PGBD5: variants seen among roughly 807,000 people sequenced by gnomAD.
PGBD5 encodes the protein piggyBac transposable element derived 5, also known as piggyBac transposable element-derived protein 5.
PGBD5 carries 14 observed loss-of-function variants against 47.9 expected under a neutral mutation model. The ratio of observed to expected loss-of-function variants is 0.29; its 90% CI spans 0.19 to 0.46. The LOEUF (loss-of-function observed/expected upper bound fraction) is 0.46. PGBD5 is among the 20% of genes least tolerant of loss of function. PGBD5 has a pLI of 1.00. For synonymous variants in PGBD5, 316 were observed against 306.3 expected (o/e 1.03, Z -0.33); for missense variants, 635 against 716.0 (o/e 0.89, Z 1.29).
At position 230,323,216 on chromosome 1, in the gene PGBD5, C is replaced by T. The variant is rs936565205; in HGVS notation, c.*209G>A. ...TCATCACACCGGCGGCACTGTTTCT[C>T]GAGGGAGGACATGCTCTTCTTGGAA... On this transcript the variant is annotated 3_prime_UTR_variant, in exon 7 of 7. Transcript: ENST00000391860. This position sits in a 1 kb window ranked among gnomAD's most constrained non-coding sequence, Gnocchi z 4.1. 5.2e-6 allele frequency: 3 copies of T among 580,708 alleles called. No individual in the cohort carries two copies. The highest frequency in any genetic ancestry group is 6.6e-5 in the Admixed American group (2 of 30,444). 36.0% of individuals were successfully genotyped at this position (580,708 alleles called of 1,614,324 possible). A position where few individuals can be genotyped will look rare whatever the true frequency, so the allele number is the denominator to read the frequency against.
intron 4 of PGBD5, 50 bp downstream of exon 4, chr1:230,337,058 T>C (rs1667336537): frequency 6.3e-7 from 1 of 1,583,984 alleles, no homozygotes; most frequent in Non-Finnish European, 8.6e-7. Context: ...TCCCACCACT[T>C]TCCCAGGGGA....
intron 1 of PGBD5, among the ~76,000 whole-genome samples, chr1:230,382,952 C>A (rs1298762390): frequency 5.3e-5 from 8 of 152,188 alleles, no homozygotes; most frequent in Admixed American, 5.2e-4. Context: ...CTATTTAAAA[C>A]TTTCCCTGAC....
chr1:230,335,858 C>CAG lies in PGBD5; in HGVS notation c.1075+1249_1075+1250insCT, dbSNP rs1558192892. Among the ~76,000 whole-genome samples the CAG allele has an allele frequency of 1.0e-4, 13 of 124,342 alleles. 6 individuals carry two copies. The highest frequency in any genetic ancestry group is 1.5e-4 in the Non-Finnish European group (9 of 59,144). The allele number at this position is 124,342 out of a possible 152,430, so 81.6% of individuals were successfully genotyped here. A position where few individuals can be genotyped will look rare whatever the true frequency, so the allele number is the denominator to read the frequency against. On this transcript the variant is annotated intron_variant, in intron 4 of 6. Transcript: ENST00000391860. ...ACATACACACACAGACACACAGATA[C>CAG]ACACACAGATGCATACACGGACACA...
chr1:230,345,379 G>GT (rs750233340), intron 3 of PGBD5, among the ~76,000 whole-genome samples: 13 of 152,224 alleles, frequency 8.5e-5, no homozygotes, highest in Non-Finnish European at 1.6e-4. Flanking sequence ...TACACTGGAA[G>GT]AGTCATCATC....
chr1:230,423,261 C>G (rs1167407518), intron 1 of PGBD5, among the ~76,000 whole-genome samples: 1 of 152,182 alleles, frequency 6.6e-6, no homozygotes, highest in Admixed American at 6.5e-5. Context: ...ATTATAAAGC[C>G]TGATTAGAGA....
chr1:230,356,743 A>T (rs1667652010), intron 2 of PGBD5, 151 bp downstream of exon 2: 2 of 720,294 alleles, frequency 2.8e-6, no homozygotes, highest in African/African-American at 1.8e-5. Context: ...TATGTGGATT[A>T]ATGGAATGGA....
intron 3 of PGBD5, 145 bp from the exon 4 acceptor site, chr1:230,337,433 G>A: frequency 2.4e-6 from 2 of 831,520 alleles, no homozygotes; most frequent in Non-Finnish European, 3.6e-6. Context: ...CAGCTCACAG[G>A]GACTCTAGGT....
At chr1:230,356,719 G>A (rs574095201) in intron 2 of PGBD5, among the ~76,000 whole-genome samples, 175 bp downstream of exon 2, 22 of 152,276 alleles carry the variant, frequency 1.4e-4, no homozygotes, top group African/African-American at 3.4e-4. Flanking sequence ...ACTCCCCTCC[G>A]ATCTCATTTG....
At chr1:230,382,541 T>C (rs909945847) in intron 1 of PGBD5, among the ~76,000 whole-genome samples, 3 of 152,194 alleles carry the variant, frequency 2.0e-5, no homozygotes, top group African/African-American at 4.8e-5. Context: ...CCACTGGATA[T>C]AGGGTGACCA....
chr1:230,395,195 G>A (rs1232054006), intron 1 of PGBD5, among the ~76,000 whole-genome samples: 1 of 27,136 alleles, frequency 3.7e-5, no homozygotes, highest in Non-Finnish European at 6.6e-5. Context: ...CCCCATCCCC[G>A]AGCTCCTCTC....
intron 1 of PGBD5, among the ~76,000 whole-genome samples, chr1:230,364,341 A>G (rs1210896940): frequency 2.0e-5 from 3 of 152,232 alleles, no homozygotes; most frequent in Non-Finnish European, 2.9e-5. Flanking sequence ...TCTGACCTAC[A>G]TGCCTACCAA....
chr1:230,368,386 G>A (rs1360273412), intron 1 of PGBD5, among the ~76,000 whole-genome samples: 1 of 152,250 alleles, frequency 6.6e-6, no homozygotes, highest in Non-Finnish European at 1.5e-5. Flanking sequence ...ATTTTTAGAG[G>A]AAGTCAGCAG....
chr1:230,414,755 T>TTCA (rs1468171992), intron 1 of PGBD5, among the ~76,000 whole-genome samples: 4 of 152,208 alleles, frequency 2.6e-5, no homozygotes, highest in African/African-American at 9.7e-5. Context: ...GACATTTGTA[T>TTCA]TCACCTTCGA....
At chr1:230,395,260 C>T (rs573911553) in intron 1 of PGBD5, among the ~76,000 whole-genome samples, 11 of 41,140 alleles carry the variant, frequency 2.7e-4, no homozygotes, top group African/African-American at 1.1e-3. Context: ...CTTCTCCCCC[C>T]CTCACGCTTC....
chr1:230,410,205 G>A (rs1036737366), intron 1 of PGBD5, among the ~76,000 whole-genome samples: 3 of 152,074 alleles, frequency 2.0e-5, no homozygotes, highest in Non-Finnish European at 4.4e-5. Context: ...GGTTTTGGAA[G>A]AAATATAAAA....
chr1:230,349,534 C>CAAAAA (rs11446040), intron 3 of PGBD5, among the ~76,000 whole-genome samples: 7 of 83,640 alleles, frequency 8.4e-5, no homozygotes, highest in Admixed American at 1.6e-4. Context: ...GACCCCGTCT[C>CAAAAA]AAAAAAAAAA....
rs1666917620 is a variant in PGBD5, at chr1:230,315,268, C to A, written c.*8157G>T. On this transcript the variant is annotated 3_prime_UTR_variant, in exon 7 of 7. Coordinates refer to ENST00000391860, the MANE Select transcript of PGBD5 (RefSeq NM_001258311.2). ...GGGAGACAGAGTAAAGGCAGAGGGG[C>A]CCCTCCTTTCTCAGGTGCCCTGTGC... 6.6e-6 allele frequency: 1 copy of A among 152,228 alleles called. No homozygotes were observed. The highest frequency in any genetic ancestry group is 1.5e-5 in the Non-Finnish European group (1 of 68,086). 9.4% of individuals were successfully genotyped at this position (152,228 alleles called of 1,614,324 possible).
At chr1:230,327,110 T>C (rs1488869962) in intron 5 of PGBD5, among the ~76,000 whole-genome samples, 1 of 152,054 alleles carries the variant, frequency 6.6e-6, no homozygotes, top group Non-Finnish European at 1.5e-5. Context: ...GCCTTCTTCC[T>C]AACAGCCGCG....
At chr1:230,328,343 C>T (rs936526082) in intron 5 of PGBD5, among the ~76,000 whole-genome samples, 4 of 152,202 alleles carry the variant, frequency 2.6e-5, no homozygotes, top group African/African-American at 9.6e-5. Flanking sequence ...ACCAGATCTG[C>T]ATCCTCTCCT....
Sources: gnomAD v4.1 joint callset for allele counts (sites outside exome capture counted in the v4.1 genomes callset) on GRCh38, gnomAD v4.1.1 for gene constraint, Gnocchi (gnomAD v3.1) non-coding constraint, MANE v1.5 for transcripts, NCBI Gene and HGNC (gene_info 2026-07-23, HGNC 2026-07-21) for gene names.